STAG1: variants seen among roughly 807,000 people sequenced by gnomAD.
STAG1 encodes the protein cohesin subunit SA-1.
Under a neutral mutation model 170.9 loss-of-function variants are expected in STAG1, and 26 were observed. The observed-to-expected ratio is 0.15, with a 90% CI of 0.11 to 0.21. The LOEUF is 0.21. Ranked by LOEUF, STAG1 falls within the 10% of genes least tolerant of loss-of-function variation. The probability of loss-of-function intolerance (pLI) is 1.00; values close to 1 mark genes in which losing one functional copy is unlikely to be tolerated. For synonymous variants in STAG1, 514 were observed against 497.7 expected (o/e 1.03, Z -0.44); for missense variants, 964 against 1,509.5 (o/e 0.64, Z 5.99).
At chr3:136,738,778 G>C (rs1273470682) in intron 1 of STAG1, among the ~76,000 whole-genome samples, 1 of 152,260 alleles carries the variant, frequency 6.6e-6, no homozygotes, top group South Asian at 2.1e-4. Context: ...AAAATGCTGA[G>C]AACAGATTTT....
At chr3:136,679,328 C>T (rs1342616335) in intron 1 of STAG1, among the ~76,000 whole-genome samples, 1 of 152,118 alleles carries the variant, frequency 6.6e-6, no homozygotes, top group African/African-American at 2.4e-5. Flanking sequence ...GCCTGTAATC[C>T]CACCACTTTG....
intron 5 of STAG1, among the ~76,000 whole-genome samples, chr3:136,548,941 G>A (rs1446013128): frequency 5.3e-5 from 8 of 152,088 alleles, no homozygotes; most frequent in Admixed American, 3.9e-4. Context: ...CTCCTGCTCT[G>A]GCCATGTGAA....
intron 7 of STAG1, among the ~76,000 whole-genome samples, chr3:136,512,677 G>A (rs1934130231): frequency 6.6e-6 from 1 of 151,828 alleles, no homozygotes; most frequent in Admixed American, 6.6e-5. Flanking sequence ...AGATCCTTCT[G>A]CAAAGAGGCT....
chr3:136,444,523 C>T (rs1310590071), intron 14 of STAG1, among the ~76,000 whole-genome samples: 9 of 152,274 alleles, frequency 5.9e-5, no homozygotes, highest in South Asian at 4.1e-4. Flanking sequence ...GTTAAACAGT[C>T]CTGGTAATCA....
At chr3:136,385,514 G>C (rs1033228757) in intron 22 of STAG1, among the ~76,000 whole-genome samples, 1 of 152,216 alleles carries the variant, frequency 6.6e-6, no homozygotes, top group Non-Finnish European at 1.5e-5. Context: ...ATCACACTGA[G>C]ATGTAAATCA....
intron 1 of STAG1, among the ~76,000 whole-genome samples, chr3:136,702,515 T>C (rs929359045): frequency 6.6e-6 from 1 of 152,018 alleles, no homozygotes; most frequent in Non-Finnish European, 1.5e-5. Context: ...GGCTCCCAAG[T>C]AGCTGGGATT....
chr3:136,732,115 C>A (rs914250760), intron 1 of STAG1, among the ~76,000 whole-genome samples: 4 of 151,700 alleles, frequency 2.6e-5, no homozygotes, highest in South Asian at 2.1e-4. Flanking sequence ...AGTAATCAAT[C>A]AAAGACACAC....
intron 21 of STAG1, among the ~76,000 whole-genome samples, chr3:136,407,376 G>A (rs1012899611): frequency 6.6e-5 from 10 of 152,124 alleles, no homozygotes; most frequent in Admixed American, 1.3e-4. Flanking sequence ...CACATACTTT[G>A]TTAGATTTAT....
chr3:136,738,674 T>C (rs962634414), intron 1 of STAG1, among the ~76,000 whole-genome samples: 2 of 152,054 alleles, frequency 1.3e-5, no homozygotes, highest in East Asian at 1.9e-4. Context: ...CCAAAAAAAG[T>C]ATACAAATTT....
intron 1 of STAG1, among the ~76,000 whole-genome samples, chr3:136,744,813 C>G (rs975403566): frequency 6.6e-6 from 1 of 151,780 alleles, no homozygotes; most frequent in Non-Finnish European, 1.5e-5. Context: ...GCAGCTGGGA[C>G]TACAGGCACA....
At chr3:136,659,570 A>G (rs1332962655) in intron 1 of STAG1, among the ~76,000 whole-genome samples, 1 of 152,230 alleles carries the variant, frequency 6.6e-6, no homozygotes, top group Non-Finnish European at 1.5e-5. Flanking sequence ...TCAACACAGC[A>G]CATTATCCAA....
rs5852844 is a variant in STAG1 at position 136,391,368 on chromosome 3, C to CTTT, written c.2277+7378_2277+7380dup. On this transcript the variant is annotated intron_variant, in intron 22 of 33. Coordinates refer to ENST00000383202, the MANE Select transcript of STAG1 (RefSeq NM_005862.3). ...AGTAATAGGGCATTACTTTAGCCCT[C>CTTT]TTTTTTTTTTTTTTTTTTTCTTTTT... Among the ~76,000 whole-genome samples the CTTT allele has an allele frequency of 3.0e-4, 37 of 124,558 alleles. 1 individual carries two copies. Among genetic ancestry groups the CTTT allele is most frequent in the Non-Finnish European group, 3.6e-4 (22 of 60,702 alleles). 81.7% of individuals were successfully genotyped at this position (124,558 alleles called of 152,430 possible).
chr3:136,544,414 C>T (rs1224465521), intron 5 of STAG1, among the ~76,000 whole-genome samples: 1 of 152,142 alleles, frequency 6.6e-6, no homozygotes, highest in Non-Finnish European at 1.5e-5. Flanking sequence ...GAACTTTACT[C>T]AGCAGCAAAA....
At chr3:136,438,719 T>G (rs2088535595) in intron 15 of STAG1, among the ~76,000 whole-genome samples, 1 of 152,152 alleles carries the variant, frequency 6.6e-6, no homozygotes, top group African/African-American at 2.4e-5. Context: ...AGTGAGCTCA[T>G]CTAGTATAAC....
At chr3:136,445,013 A>T (rs1188922288) in intron 14 of STAG1, among the ~76,000 whole-genome samples, 1 of 142,032 alleles carries the variant, frequency 7.0e-6, no homozygotes, top group Non-Finnish European at 1.5e-5. Context: ...GGAGTGTGCT[A>T]CCCCGCCTGG....
At chr3:136,374,615 C>G (rs1046892948) in intron 23 of STAG1, among the ~76,000 whole-genome samples, 2 of 147,456 alleles carry the variant, frequency 1.4e-5, no homozygotes, top group Non-Finnish European at 3.0e-5. Flanking sequence ...AAAACTCCGT[C>G]TCAAAAAAAA....
At chr3:136,720,012 A>G (rs1933138809) in intron 1 of STAG1, among the ~76,000 whole-genome samples, 1 of 151,868 alleles carries the variant, frequency 6.6e-6, no homozygotes, top group Non-Finnish European at 1.5e-5. Flanking sequence ...TCCCATCTCT[A>G]GTGAAAATAT....
chr3:136,606,907 C>G (rs376574654), intron 3 of STAG1, among the ~76,000 whole-genome samples: 2 of 151,898 alleles, frequency 1.3e-5, no homozygotes, highest in Admixed American at 1.3e-4. Flanking sequence ...TGCCACCACC[C>G]CGGCTAACTT....
chr3:136,446,491 C>T (rs927218288), intron 14 of STAG1, among the ~76,000 whole-genome samples: 1 of 151,912 alleles, frequency 6.6e-6, no homozygotes, highest in Non-Finnish European at 1.5e-5. Context: ...GGCATGATCT[C>T]GGCTCACTGC....
Sources: allele counts gnomAD v4.1 joint callset (sites outside exome capture counted in the v4.1 genomes callset), GRCh38; gene constraint gnomAD v4.1.1; transcripts MANE v1.5; gene names NCBI Gene and HGNC (gene_info 2026-07-23, HGNC 2026-07-21).